Variants in RASSF3 observed in about 807,000 individuals in gnomAD.
RASSF3 encodes ras association domain-containing protein 3.
RASSF3 carries 19 observed loss-of-function variants against 19.9 expected under a neutral mutation model. The ratio of observed to expected loss-of-function variants is 0.96; its 90% CI spans 0.67 to 1.40. The LOEUF is 1.40. Ranked by LOEUF, RASSF3 falls within the 40% of genes most tolerant of loss-of-function variation. The pLI is 0.00. For missense variants in RASSF3, 306 were observed against 289.8 expected (o/e 1.06, Z -0.41); for synonymous variants, 110 against 104.2 (o/e 1.06, Z -0.34).
At chr12:64,541,770 G>C (rs1868938216), downstream of RASSF3, 2 of 397,974 alleles carry the variant, frequency 5.0e-6, no homozygotes, top group Non-Finnish European at 8.9e-6. Context: ...ATACCCCATA[G>C]AATGGTCTTT....
At position 64,595,960 on chromosome 12, in the gene RASSF3, C is replaced by T. The variant is rs531837480; in HGVS notation, c.294+54255C>T. 5.3e-5 allele frequency among the ~76,000 whole-genome samples: 8 copies of T among 152,272 alleles called. No homozygotes were observed. The South Asian group carries it at 1.7e-3, about 32-fold the overall frequency. On this transcript the variant is annotated intron_variant, in intron 2 of 5. Transcript: ENST00000637125. ...TAAAAATATTACCCAGACTTTCCCT[C>T]CCCCTTTCTTTGTAAAAGCTATCCA...
intron 2 of RASSF3, among the ~76,000 whole-genome samples, chr12:64,574,489 T>C (rs1401591636): frequency 1.3e-5 from 2 of 152,180 alleles, no homozygotes; most frequent in African/African-American, 2.4e-5. Context: ...AATTTTGCAA[T>C]GCCCTCAATC....
chr12:64,560,449 A>G (rs1869328645), intron 2 of RASSF3, among the ~76,000 whole-genome samples: 1 of 152,164 alleles, frequency 6.6e-6, no homozygotes, highest in South Asian at 2.1e-4. Context: ...CTCTCCCTGT[A>G]GCTATCATTC....
intron 2 of RASSF3, among the ~76,000 whole-genome samples, chr12:64,686,996 T>C (rs1873381765): frequency 6.6e-6 from 1 of 152,200 alleles, no homozygotes; most frequent in African/African-American, 2.4e-5. Flanking sequence ...ATATACTGTT[T>C]TTGTTTGTTT....
intron 2 of RASSF3, among the ~76,000 whole-genome samples, chr12:64,595,494 A>C (rs1189044820): frequency 6.6e-6 from 1 of 152,226 alleles, no homozygotes; most frequent in Non-Finnish European, 1.5e-5. Flanking sequence ...TAAATGATAT[A>C]TAAACCCTGG....
At chr12:64,646,610 G>T (rs114863918) in intron 1 of RASSF3, among the ~76,000 whole-genome samples, 1 of 152,060 alleles carries the variant, frequency 6.6e-6, no homozygotes, top group Non-Finnish European at 1.5e-5. Context: ...AGTTAACATT[G>T]TCCAAATTCT....
chr12:64,687,297 T>A (rs191788969), intron 2 of RASSF3, among the ~76,000 whole-genome samples: 1 of 152,116 alleles, frequency 6.6e-6, no homozygotes, highest in Non-Finnish European at 1.5e-5. Flanking sequence ...CCACTGCGCC[T>A]GGCCCCAAAT....
intron 2 of RASSF3, among the ~76,000 whole-genome samples, chr12:64,551,821 A>G (rs1869169227): frequency 1.3e-5 from 2 of 152,224 alleles, no homozygotes; most frequent in South Asian, 4.1e-4. Context: ...TCAGTTAAAG[A>G]GAGGCGAACC....
intron 1 of RASSF3, among the ~76,000 whole-genome samples, chr12:64,651,195 T>A (rs1871940466): frequency 6.6e-6 from 1 of 151,818 alleles, no homozygotes; most frequent in Admixed American, 6.6e-5. Flanking sequence ...TCCCCTCTTT[T>A]AAAAAAAAAT....
chr12:64,635,537 C>G (rs573804126), intron 1 of RASSF3, among the ~76,000 whole-genome samples: 1 of 152,188 alleles, frequency 6.6e-6, no homozygotes, highest in African/African-American at 2.4e-5. Context: ...GGTACACTTG[C>G]AATACCTTTT....
chr12:64,667,605 CAA>C (rs1198319298), intron 1 of RASSF3, among the ~76,000 whole-genome samples: 1 of 152,154 alleles, frequency 6.6e-6, no homozygotes, highest in African/African-American at 2.4e-5. Context: ...CAAAGAGGAC[CAA>C]ATTTCATCCT....
chr12:64,653,175 C>G (rs752377193), intron 1 of RASSF3, among the ~76,000 whole-genome samples: 2 of 152,220 alleles, frequency 1.3e-5, no homozygotes, highest in Non-Finnish European at 2.9e-5. Flanking sequence ...CTCAACTGAT[C>G]TTCCTGCCTC....
chr12:64,679,545 G>A (rs1873039316), intron 1 of RASSF3, among the ~76,000 whole-genome samples: 1 of 152,124 alleles, frequency 6.6e-6, no homozygotes, highest in African/African-American at 2.4e-5. Flanking sequence ...CTGTGGGATT[G>A]GGCCGCACTT....
At chr12:64,539,508 G>C (rs1243459123) in intron 1 of RASSF3, among the ~76,000 whole-genome samples, 1 of 152,118 alleles carries the variant, frequency 6.6e-6, no homozygotes, top group South Asian at 2.1e-4. Context: ...TGGGTGCGGT[G>C]GCTTATATCT....
At chr12:64,554,396 C>G (rs1257770177) in intron 2 of RASSF3, among the ~76,000 whole-genome samples, 1 of 152,156 alleles carries the variant, frequency 6.6e-6, no homozygotes, top group Non-Finnish European at 1.5e-5. Flanking sequence ...CCTTTGCCTC[C>G]TAGGTTCAAG....
chr12:64,509,924 T>G (rs1260899772), intron 1 of RASSF3, among the ~76,000 whole-genome samples: 1 of 151,816 alleles, frequency 6.6e-6, no homozygotes, highest in Non-Finnish European at 1.5e-5. Context: ...CCATCTCTAC[T>G]AAAAATGCAA....
chr12:64,576,761 TG>T (rs962615472), intron 2 of RASSF3, among the ~76,000 whole-genome samples: 1 of 146,136 alleles, frequency 6.8e-6, no homozygotes, highest in African/African-American at 2.6e-5. Context: ...TGAGGTGGGA[TG>T]GGAGCCTCAG....
chr12:64,620,014 C>CTCTGTGTGTG (rs145002119), intron 1 of RASSF3, among the ~76,000 whole-genome samples: 1 of 134,168 alleles, frequency 7.5e-6, no homozygotes, highest in African/African-American at 2.8e-5. Flanking sequence ...TGCAGGTTGA[C>CTCTGTGTGTG]TGTGTGTGTG....
chr12:64,548,619 T>C (rs1869108636), intron 2 of RASSF3, among the ~76,000 whole-genome samples: 1 of 152,182 alleles, frequency 6.6e-6, no homozygotes, highest in South Asian at 2.1e-4. Flanking sequence ...GATTTATCGG[T>C]CAAGAGTTTT....
Sources: gnomAD v4.1 joint callset for allele counts (sites outside exome capture counted in the v4.1 genomes callset) on GRCh38, gnomAD v4.1.1 for gene constraint, MANE v1.5 for transcripts, NCBI Gene and HGNC (gene_info 2026-07-23, HGNC 2026-07-21) for gene names.